Variants in LGI1 observed in about 807,000 individuals in gnomAD.
LGI1 encodes leucine rich glioma inactivated 1.
LGI1 carries 11 observed loss-of-function variants against 57.7 expected under a neutral mutation model. That is an observed-to-expected ratio of 0.19 (90% CI 0.12 to 0.32). The LOEUF is 0.32. LGI1 is among the 10% of genes least tolerant of loss of function. LGI1 has a pLI of 1.00. For missense variants in LGI1, 422 were observed against 661.9 expected, an observed-to-expected ratio of 0.64 and a Z score of 3.98; for synonymous variants, 222 against 241.9, an observed-to-expected ratio of 0.92 and a Z score of 0.76.
chr10:93,771,681 A>G (rs552129364), intron 2 of LGI1: 1 of 152,344 alleles, frequency 6.6e-6, no homozygotes, highest in East Asian at 1.9e-4. Context: ...TTTTTTAAAA[A>G]AGGATTAAAG....
At chr10:93,762,009 T>A (rs1384560317) in intron 2 of LGI1, among the ~76,000 whole-genome samples, 1 of 152,210 alleles carries the variant, frequency 6.6e-6, no homozygotes, top group African/African-American at 2.4e-5. Context: ...TATGGGCTCA[T>A]GATGGAAGTG....
intron 2 of LGI1, chr10:93,765,765 T>C (rs893591239): frequency 6.6e-6 from 1 of 151,770 alleles, no homozygotes; most frequent in Non-Finnish European, 1.5e-5. Context: ...GGTCAGGAGA[T>C]GGAGAACATC....
At chr10:93,760,500 G>T (rs1273716455) in intron 2 of LGI1, among the ~76,000 whole-genome samples, 1 of 152,186 alleles carries the variant, frequency 6.6e-6, no homozygotes, top group African/African-American at 2.4e-5. Flanking sequence ...AAGTTACATA[G>T]ATCTAGTTAC....
At chr10:93,773,100 A>C (rs922435771) in intron 2 of LGI1, among the ~76,000 whole-genome samples, 6 of 152,098 alleles carry the variant, frequency 3.9e-5, no homozygotes, top group African/African-American at 1.4e-4. Context: ...AAAAAAAAAA[A>C]AACTGGAAAA....
intron 2 of LGI1, among the ~76,000 whole-genome samples, chr10:93,774,444 C>A (rs992558146): frequency 1.3e-5 from 2 of 152,182 alleles, no homozygotes; most frequent in African/African-American, 4.8e-5. Flanking sequence ...CACCACAATT[C>A]TACACTCTCC....
intron 4 of LGI1, among the ~76,000 whole-genome samples, chr10:93,779,998 A>G (rs1056354598): frequency 2.0e-5 from 3 of 152,248 alleles, no homozygotes; most frequent in East Asian, 1.9e-4. Flanking sequence ...TGGCAATGCC[A>G]TATGGTTCAT....
At chr10:93,792,696 T>C (rs1274017591) in intron 5 of LGI1, 47 bp from the exon 6 acceptor site, 1 of 1,587,706 alleles carries the variant, frequency 6.3e-7, no homozygotes, top group Non-Finnish European at 8.6e-7. Flanking sequence ...CTTTCCTGCG[T>C]GGGTAGGGCC....
chr10:93,776,144 A>G (rs1471084720), intron 2 of LGI1: 1 of 152,202 alleles, frequency 6.6e-6, no homozygotes, highest in Non-Finnish European at 1.5e-5. Context: ...GTACAAATCC[A>G]TGACATTAGA....
intron 2 of LGI1, chr10:93,766,761 C>T (rs1045095714): frequency 6.6e-6 from 1 of 152,218 alleles, no homozygotes; most frequent in Non-Finnish European, 1.5e-5. Context: ...CCCGCCTCGG[C>T]CTCCCGAAGT....
intron 2 of LGI1, among the ~76,000 whole-genome samples, chr10:93,759,858 C>T (rs1208742177): frequency 6.6e-6 from 1 of 152,210 alleles, no homozygotes; most frequent in Admixed American, 6.5e-5. Flanking sequence ...TTAAACCTCA[C>T]CCTGCCACTC....
intron 4 of LGI1, among the ~76,000 whole-genome samples, chr10:93,784,985 A>T (rs1289924347): frequency 1.3e-5 from 2 of 152,228 alleles, no homozygotes; most frequent in African/African-American, 4.8e-5. Context: ...TTCTGCTATG[A>T]TAATTATTAT....
chr10:93,774,051 C>T (rs2059768150), intron 2 of LGI1, among the ~76,000 whole-genome samples: 1 of 152,100 alleles, frequency 6.6e-6, no homozygotes, highest in Non-Finnish European at 1.5e-5. Context: ...AGACTCTAGG[C>T]TACACGTAGT....
At chr10:93,786,865 A>G (rs1397122102) in intron 4 of LGI1, among the ~76,000 whole-genome samples, 1 of 152,206 alleles carries the variant, frequency 6.6e-6, no homozygotes. Context: ...AAGTGCTGGG[A>G]TTACGGGCGT....
chr10:93,783,788 G>A (rs1002695521), intron 4 of LGI1, among the ~76,000 whole-genome samples: 5 of 152,160 alleles, frequency 3.3e-5, no homozygotes, highest in Non-Finnish European at 5.9e-5. Flanking sequence ...AAGGCGGGCG[G>A]ATCACTTGAG....
In LGI1 at chr10:93,777,533, T is replaced by A; in HGVS notation, c.360-13T>A. ...TGTAACTGTTTGACAAAAAATATTA[T>A]AACTTATTGCAGATTCATAGAAAAC... On this transcript the variant is annotated splice_polypyrimidine_tract_variant and intron_variant, in intron 3 of 7. Coordinates refer to ENST00000371418, the MANE Select transcript of LGI1 (RefSeq NM_005097.4). The A allele has an allele frequency of 5.0e-6, 8 of 1,612,478 alleles. No homozygotes were observed. The highest frequency in any genetic ancestry group is 6.8e-6 in the Non-Finnish European group (8 of 1,178,562).
At chr10:93,780,360 A>G (rs937610885) in intron 4 of LGI1, 1 of 152,018 alleles carries the variant, frequency 6.6e-6, no homozygotes, top group African/African-American at 2.4e-5. Context: ...TCCATTATTT[A>G]TGGCGTATTA....
chr10:93,793,186 A>G lies in LGI1; in HGVS notation c.674A>G (p.Glu225Gly). The G allele has an allele frequency of 6.2e-7, 1 of 1,609,132 alleles. No individual in the cohort carries two copies. Among genetic ancestry groups the G allele is most frequent in the Non-Finnish European group, 8.5e-7 (1 of 1,177,958 alleles). The change falls in exon 7 of 8, where the codon GAA becomes GGA. Residue 225 changes from glutamate (E) to glycine (G), a missense_variant and splice_region_variant. Glu to Gly is a moderately conservative substitution (Grantham distance 98). Around this residue, in one of 3 missense-constraint regions of LGI1, gnomAD observed 301 missense variants for 461.7 expected, o/e 0.65. Coordinates refer to ENST00000371418, the MANE Select transcript of LGI1 (RefSeq NM_005097.4). Reference sequence around the variant, plus strand: ...TACTTATTATTTCCTATTTTTGCAGAATTTGCAAAGTCTCAAGACCTGCCT... The same window carrying G: ...TACTTATTATTTCCTATTTTTGCAGGATTTGCAAAGTCTCAAGACCTGCCT... Reference protein sequence around the residue: ...SSKDFDCIITEFAKSQDLPYQ... With the variant: ...SSKDFDCIITGFAKSQDLPYQ...
rs1018206929 is a variant in LGI1 at position 93,786,473 on chromosome 10, C to T, written c.432-3626C>T. Among the ~76,000 whole-genome samples, 2 of 47,418 alleles carry T rather than the reference C, an allele frequency of 4.2e-5. 1 individual carries two copies. The highest frequency in any genetic ancestry group is 5.9e-5 in the African/African-American group (2 of 34,002). The allele number at this position is 47,418 out of a possible 152,430, so 31.1% of individuals were successfully genotyped here. On this transcript the variant is annotated intron_variant, in intron 4 of 7. Coordinates refer to ENST00000371418, the MANE Select transcript of LGI1 (RefSeq NM_005097.4). ...AACTCACAACATAAATATGTATTTA[C>T]ACAGAAAAGTGAAAGATTCCAGTAA...
chr10:93,794,969 C>G (rs2059967758), intron 7 of LGI1: 1 of 151,224 alleles, frequency 6.6e-6, no homozygotes, highest in Non-Finnish European at 1.5e-5. Context: ...AACTGAGACC[C>G]TTTTGGAATC....
Sources: allele counts gnomAD v4.1 joint callset (sites outside exome capture counted in the v4.1 genomes callset), GRCh38; gene constraint gnomAD v4.1.1; regional missense constraint gnomAD v4.1.1; transcripts MANE v1.5; gene names NCBI Gene and HGNC (gene_info 2026-07-23, HGNC 2026-07-21).